Variants in CNDP2 observed in about 807,000 individuals in gnomAD.
CNDP2 encodes the protein carnosine dipeptidase 2, also known as cytosolic non-specific dipeptidase.
Under a neutral mutation model 55.0 loss-of-function variants are expected in CNDP2, and 38 were observed. The observed-to-expected ratio is 0.69, with a 90% confidence interval of 0.53 to 0.90. CNDP2 has a LOEUF of 0.90. CNDP2 is among the 40% of genes least tolerant of loss of function. The pLI is 0.00. For missense variants in CNDP2, 607 were observed against 621.7 expected (o/e 0.98, Z 0.25); for synonymous variants, 241 against 260.2 (o/e 0.93, Z 0.71).
In CNDP2 at chr18:74,505,962, C is replaced by T. The variant is rs750584245; in HGVS notation, c.318C>T (p.Ala106=). The T allele has an allele frequency of 1.9e-6, 3 of 1,609,568 alleles. No individual in the cohort carries two copies. Among genetic ancestry groups the T allele is most frequent in the Non-Finnish European group, 2.5e-6 (3 of 1,178,764 alleles). ...IYGHLDVQPA[A]LEDGWDSEPF... Reference sequence around the variant, plus strand: ...GGCACCTGGATGTGCAGCCTGCAGCCCTGGAGGACGGCTGGGACAGCGAGC... The same window carrying T: ...GGCACCTGGATGTGCAGCCTGCAGCTCTGGAGGACGGCTGGGACAGCGAGC... Residue 106 remains alanine (A), a synonymous_variant, in exon 4 of 12, where the codon GCC becomes GCT. Transcript: ENST00000324262.
At chr18:74,507,340 C>G (rs781544442) in intron 4 of CNDP2, 1 of 152,864 alleles carries the variant, frequency 6.5e-6, no homozygotes, top group Admixed American at 6.5e-5. Flanking sequence ...CTGCCAGGCT[C>G]TCCTCTGGGA....
Position 74,509,994 on chromosome 18 carries a change from G to A in CNDP2, c.457-819G>A, listed in dbSNP as rs184702384. 2.3e-3 allele frequency among the ~76,000 whole-genome samples: 348 copies of A among 152,336 alleles called. 2 individuals are homozygous for A. The highest frequency in any genetic ancestry group is 4.2e-3 in the Non-Finnish European group (286 of 68,034). On this transcript the variant is annotated intron_variant, in intron 5 of 11. Transcript: ENST00000324262. ...CTGGTGCGGCCGAGCCTGCATGCTGGGCGGGAACTAGGAAGCCTCCCCAAC... is the reference window on the plus strand; with the variant it reads ...CTGGTGCGGCCGAGCCTGCATGCTGAGCGGGAACTAGGAAGCCTCCCCAAC...
At chr18:74,519,913 T>G (rs1979950838) in intron 11 of CNDP2, 86 bp from the exon 12 acceptor site, 7 of 1,200,944 alleles carry the variant, frequency 5.8e-6, no homozygotes, top group Non-Finnish European at 8.4e-6. Context: ...GAAGGCAGAG[T>G]GTGTCTGGGC....
In CNDP2 at chr18:74,520,517, A is replaced by C. The variant is rs971941931; in HGVS notation, c.*449A>C. The stretch of plus-strand genomic sequence containing the variant: ...AAAAAGTTTAAGAAATGAGCCAGAC[A>C]TGGTGGTGTATGCCTGTAGTCCCAG... On this transcript the variant is annotated 3_prime_UTR_variant, in exon 12 of 12. Transcript: ENST00000324262. 10 of 181,854 alleles carry C rather than the reference A, an allele frequency of 5.5e-5. No homozygotes were observed. Among genetic ancestry groups the C allele is most frequent in the Non-Finnish European group, 9.2e-5 (8 of 87,148 alleles). The allele number at this position is 181,854 out of a possible 1,614,324, so 11.3% of individuals were successfully genotyped here.
intron 11 of CNDP2, 51 bp from the exon 12 acceptor site, chr18:74,519,948 G>A (rs1393175781): frequency 1.3e-6 from 2 of 1,549,136 alleles, no homozygotes; most frequent in African/African-American, 2.7e-5. Context: ...CCCACACCTG[G>A]GTGTTGGCTC....
intron 4 of CNDP2, 126 bp downstream of exon 4, chr18:74,506,137 T>TA (rs2144585652): frequency 1.1e-6 from 1 of 925,130 alleles, no homozygotes; most frequent in South Asian, 5.0e-5. Context: ...TATTACTTTT[T>TA]AAAAATCTTT....
intron 6 of CNDP2, among the ~76,000 whole-genome samples, chr18:74,511,630 C>T (rs1222888109): frequency 5.9e-5 from 9 of 151,872 alleles, no homozygotes; most frequent in Non-Finnish European, 1.5e-5. Context: ...ATCGCTTGAA[C>T]CCGGGAGGTG....
Position 74,505,891 on chromosome 18 carries a change from G to A in CNDP2, c.247G>A (p.Gly83Ser), listed in dbSNP as rs577359145. Residue 83 changes from glycine (G) to serine (S), a missense_variant, in exon 4 of 12, where the codon GGC becomes AGC. Transcript: ENST00000324262. Reference protein sequence around the residue: ...SEIPLPPILLGRLGSDPQKKT... With the variant: ...SEIPLPPILLSRLGSDPQKKT... ...GATCCCGCTCCCTCCTATTCTGCTC[G>A]GCAGGCTGGGCTCCGACCCACAGAA... 9.9e-6 allele frequency: 16 copies of A among 1,611,440 alleles called. No individual in the cohort carries two copies. The highest frequency in any genetic ancestry group is 3.3e-5 in the South Asian group (3 of 90,728).
chr18:74,513,480 C>T (rs1277515109), intron 7 of CNDP2, 79 bp from the exon 8 acceptor site: 31 of 1,433,978 alleles, frequency 2.2e-5, no homozygotes, highest in Non-Finnish European at 2.9e-5. Flanking sequence ...GCCTGGCTTC[C>T]TGGGGTCGGT....
chr18:74,507,001 T>C (rs536185907), intron 4 of CNDP2: 2 of 152,132 alleles, frequency 1.3e-5, no homozygotes, highest in Admixed American at 6.5e-5. Context: ...GTTCAAACCT[T>C]TCCTGGCCCA....
chr18:74,516,101 T>C, intron 8 of CNDP2, 127 bp from the exon 9 acceptor site: 1 of 1,042,782 alleles, frequency 9.6e-7, no homozygotes, highest in Admixed American at 2.4e-5. Flanking sequence ...CCTGTGGTTG[T>C]CAGGCTCCTG....
Position 74,505,843 on chromosome 18 carries a change from G to A in CNDP2, c.205-6G>A, listed in dbSNP as rs761484194. On this transcript the variant is annotated splice_region_variant and splice_polypyrimidine_tract_variant and intron_variant, in intron 3 of 11. Coordinates refer to ENST00000324262, the MANE Select transcript of CNDP2 (RefSeq NM_018235.3). ...TGTCCTTGGTTCCTTTCCTCTCCAT[G>A]CTCAGCTCCCTGATGGCTCGGAGAT... 5.0e-6 allele frequency: 8 copies of A among 1,612,720 alleles called. No individual in the cohort carries two copies. Among genetic ancestry groups the A allele is most frequent in the African/African-American group, 1.3e-5 (1 of 74,962 alleles).
At position 74,501,391 on chromosome 18, in the gene CNDP2, C is replaced by A; in HGVS notation, c.123C>A (p.Ile41=). The change falls in exon 3 of 12, where the codon ATC becomes ATA. Residue 41 remains isoleucine (I), a synonymous_variant. Coordinates refer to ENST00000324262, the MANE Select transcript of CNDP2 (RefSeq NM_018235.3). The stretch of plus-strand genomic sequence containing the variant: ...CGTGGCCGGAGAAGAGAGGCGAAAT[C>A]AGGAGGATGATGGAAGTTGCTGCTG... ...VSAWPEKRGE[I]RRMMEVAAAD... The A allele has an allele frequency of 6.2e-7, 1 of 1,614,086 alleles. No homozygotes were observed. Among genetic ancestry groups the A allele is most frequent in the Non-Finnish European group, 8.5e-7 (1 of 1,180,002 alleles).
At chr18:74,506,085 C>T in intron 4 of CNDP2, 74 bp downstream of exon 4, 1 of 1,394,590 alleles carries the variant, frequency 7.2e-7, no homozygotes, top group Non-Finnish European at 9.5e-7. Flanking sequence ...GTCCGTTTTT[C>T]TGTTTCCAGT....
intron 10 of CNDP2, 100 bp from the exon 11 acceptor site, chr18:74,518,849 G>A (rs1028975164): frequency 6.5e-7 from 1 of 1,544,034 alleles, no homozygotes; most frequent in Non-Finnish European, 8.8e-7. Flanking sequence ...CCAGGGCCTT[G>A]CACAGCATCT....
Position 74,512,434 on chromosome 18 carries a change from T to C in CNDP2, c.658-14T>C. On this transcript the variant is annotated splice_polypyrimidine_tract_variant and intron_variant, in intron 6 of 11. Coordinates refer to ENST00000324262, the MANE Select transcript of CNDP2 (RefSeq NM_018235.3). ...ACTAGGCAGCCAGACACAGTGGCCTTTGTTTCCGTGCAGGTGGAGTGCAGC... is the reference window on the plus strand; with the variant it reads ...ACTAGGCAGCCAGACACAGTGGCCTCTGTTTCCGTGCAGGTGGAGTGCAGC... The C allele has an allele frequency of 6.2e-7, 1 of 1,609,416 alleles. No individual in the cohort carries two copies. The highest frequency in any genetic ancestry group is 8.5e-7 in the Non-Finnish European group (1 of 1,177,216).
chr18:74,505,432 C>T (rs1352805629), intron 3 of CNDP2, among the ~76,000 whole-genome samples: 1 of 152,032 alleles, frequency 6.6e-6, no homozygotes, highest in African/African-American at 2.4e-5. Flanking sequence ...AACCCTGTCT[C>T]TACTAAAATA....
chr18:74,498,656 C>T (rs532569628), intron 1 of CNDP2, among the ~76,000 whole-genome samples: 5 of 152,252 alleles, frequency 3.3e-5, no homozygotes, highest in Non-Finnish European at 5.9e-5. Flanking sequence ...AGCTTCCCTG[C>T]GTACATTTTT....
chr18:74,505,791 T>A, intron 3 of CNDP2, 58 bp from the exon 4 acceptor site: 1 of 1,600,030 alleles, frequency 6.2e-7, no homozygotes, highest in Non-Finnish European at 8.5e-7. Context: ...ATCTCCACCT[T>A]AAGCACTGAA....
Sources: gnomAD v4.1 joint callset for allele counts (sites outside exome capture counted in the v4.1 genomes callset) on GRCh38, gnomAD v4.1.1 for gene constraint, MANE v1.5 for transcripts, NCBI Gene and HGNC (gene_info 2026-07-23, HGNC 2026-07-21) for gene names.